The following ASTN2 variants were observed in gnomAD, a reference collection of about 807,000 sequenced individuals.
ASTN2 encodes the protein astrotactin 2, also known as astrotactin-2.
ASTN2 carries 54 observed loss-of-function variants against 139.8 expected under a neutral mutation model. That is an observed-to-expected ratio of 0.39 (90% CI 0.31 to 0.48). The LOEUF (loss-of-function observed/expected upper bound fraction) is 0.48, where lower values mean the gene tolerates loss of function less well. Among genes scored for constraint, ASTN2 ranks in the 20% least tolerant of loss-of-function variants. ASTN2 has a pLI of 0.95. For missense variants in ASTN2, 1,565 were observed against 1,725.1 expected, an observed-to-expected ratio of 0.91 and a Z score of 1.64; for synonymous variants, 756 against 719.5, an observed-to-expected ratio of 1.05 and a Z score of -0.81.
chr9:117,148,033 T>A (rs1212360381), intron 3 of ASTN2, among the ~76,000 whole-genome samples: 1 of 152,136 alleles, frequency 6.6e-6, no homozygotes, highest in Non-Finnish European at 1.5e-5. Context: ...TTGACTTGAT[T>A]GGAGATTAGC....
chr9:117,363,648 A>G (rs1022342985), intron 1 of ASTN2, among the ~76,000 whole-genome samples: 4 of 152,182 alleles, frequency 2.6e-5, no homozygotes, highest in Non-Finnish European at 5.9e-5. Flanking sequence ...AAGGTGGCAT[A>G]TTTAATAGGC....
intron 5 of ASTN2, among the ~76,000 whole-genome samples, chr9:117,070,081 G>A (rs2132706183): frequency 6.7e-6 from 1 of 148,242 alleles, no homozygotes; most frequent in East Asian, 2.0e-4. Flanking sequence ...TTGCTCGTTA[G>A]TTGATGCAGT....
chr9:117,358,261 GACACACACACACACACACAC>G (rs67475291), intron 1 of ASTN2, among the ~76,000 whole-genome samples: 2 of 146,786 alleles, frequency 1.4e-5, no homozygotes, highest in African/African-American at 5.1e-5. Context: ...TACATGTGCA[GACACACACACACACACACAC>G]ACACACACAC....
intron 3 of ASTN2, among the ~76,000 whole-genome samples, chr9:117,195,696 A>G (rs1831482249): frequency 6.6e-6 from 1 of 152,150 alleles, no homozygotes; most frequent in African/African-American, 2.4e-5. Flanking sequence ...AAGAGCTCTG[A>G]AAATTCATGA....
At chr9:116,535,460 T>C (rs1224971951) in intron 19 of ASTN2, among the ~76,000 whole-genome samples, 2 of 152,326 alleles carry the variant, frequency 1.3e-5, no homozygotes, top group Admixed American at 6.5e-5. Context: ...CTAGCATCGA[T>C]GGTCTTTGCA....
rs968081929 is a variant in ASTN2 at position 117,127,655 on chromosome 9, G to T, written c.1168+13671C>A. 1.2e-3 allele frequency among the ~76,000 whole-genome samples: 138 copies of T among 117,588 alleles called. 4 individuals are homozygous for T. In the East Asian group the frequency reaches 0.028, roughly 24 times the overall value. The allele number at this position is 117,588 out of a possible 152,430, so 77.1% of individuals were successfully genotyped here. A position where few individuals can be genotyped will look rare whatever the true frequency, so the allele number is the denominator to read the frequency against. On this transcript the variant is annotated intron_variant, in intron 4 of 22. Coordinates refer to ENST00000313400, the MANE Select transcript of ASTN2 (RefSeq NM_001365068.1). ...TCTCCCTGTGATTTCAGAAGTTAGG[G>T]TTTTTTTTTTGTTTTGGTTTTTTTT...
intron 17 of ASTN2, among the ~76,000 whole-genome samples, chr9:116,649,989 A>G (rs544839352): frequency 6.6e-6 from 1 of 152,194 alleles, no homozygotes; most frequent in South Asian, 2.1e-4. Context: ...TCTACCTGAC[A>G]CTTTCCCTAC....
chr9:116,803,481 A>AAC (rs1830924635), intron 13 of ASTN2, among the ~76,000 whole-genome samples: 1 of 80,108 alleles, frequency 1.2e-5, no homozygotes, highest in African/African-American at 4.1e-5. Flanking sequence ...AAGTTCGAAT[A>AAC]ATATATATAT....
At chr9:117,131,110 G>A (rs1381952245) in intron 4 of ASTN2, among the ~76,000 whole-genome samples, 2 of 152,162 alleles carry the variant, frequency 1.3e-5, no homozygotes, top group African/African-American at 4.8e-5. Flanking sequence ...TTCACCAACA[G>A]TCAGTCCTAA....
At chr9:116,534,420 C>T (rs547186783) in intron 19 of ASTN2, among the ~76,000 whole-genome samples, 20 of 152,122 alleles carry the variant, frequency 1.3e-4, no homozygotes, top group Non-Finnish European at 2.5e-4. Context: ...AATGTGTTTG[C>T]TCTTGCTTCT....
intron 14 of ASTN2, among the ~76,000 whole-genome samples, chr9:116,731,083 A>G (rs979118260): frequency 2.0e-5 from 3 of 151,676 alleles, no homozygotes; most frequent in Non-Finnish European, 2.9e-5. Context: ...GGGTTACTCT[A>G]TCGCTGACTC....
intron 1 of ASTN2, among the ~76,000 whole-genome samples, chr9:117,320,786 TC>T (rs1476503955): frequency 1.3e-5 from 2 of 151,742 alleles, no homozygotes; most frequent in Non-Finnish European, 2.9e-5. Context: ...AACCCCAAAC[TC>T]CCCGTAACTG....
At chr9:117,146,697 A>G (rs1042163752) in intron 3 of ASTN2, among the ~76,000 whole-genome samples, 8 of 152,270 alleles carry the variant, frequency 5.3e-5, no homozygotes, top group Non-Finnish European at 1.2e-4. Flanking sequence ...AACTGGGTTC[A>G]GTGTATACCG....
chr9:116,834,347 C>T (rs1382528968), intron 11 of ASTN2, among the ~76,000 whole-genome samples: 2 of 152,110 alleles, frequency 1.3e-5, no homozygotes, highest in South Asian at 4.1e-4. Flanking sequence ...TATATTGTTG[C>T]TAAACTCCTG....
At chr9:117,079,229 G>T (rs1828360162) in intron 5 of ASTN2, among the ~76,000 whole-genome samples, 1 of 152,134 alleles carries the variant, frequency 6.6e-6, no homozygotes, top group African/African-American at 2.4e-5. Flanking sequence ...GGTGGTGCGT[G>T]ACTGTGGTCC....
At chr9:117,295,477 G>A (rs1834707053) in intron 1 of ASTN2, among the ~76,000 whole-genome samples, 1 of 152,110 alleles carries the variant, frequency 6.6e-6, no homozygotes, top group Non-Finnish European at 1.5e-5. Flanking sequence ...ACTTTGGAAA[G>A]TGCTTGGCAC....
Position 116,719,747 on chromosome 9 carries a change from A to T in ASTN2, c.2806+6024T>A, listed in dbSNP as rs146826159. The stretch of plus-strand genomic sequence containing the variant: ...GTGAAACTTCACTTACTAATGTTGC[A>T]GAAGAGGATGAACCTGCAGAGGAGA... On this transcript the variant is annotated intron_variant, in intron 16 of 22. Coordinates refer to ENST00000313400, the MANE Select transcript of ASTN2 (RefSeq NM_001365068.1). Among the ~76,000 whole-genome samples the T allele has an allele frequency of 4.6e-5, 7 of 152,232 alleles. No individual in the cohort carries two copies. In the East Asian group the frequency reaches 1.4e-3, roughly 29 times the overall value.
chr9:116,535,875 TG>T (rs1333850240), intron 19 of ASTN2, among the ~76,000 whole-genome samples: 2 of 152,212 alleles, frequency 1.3e-5, no homozygotes, highest in African/African-American at 4.8e-5. Flanking sequence ...TGGCTTTCTC[TG>T]TATTTCCTGA....
chr9:116,683,430 T>G (rs1029574656), intron 16 of ASTN2, among the ~76,000 whole-genome samples: 1 of 152,222 alleles, frequency 6.6e-6, no homozygotes, highest in Non-Finnish European at 1.5e-5. Context: ...CCTAGTCAAT[T>G]GCAGCTTTAA....
Sources: gnomAD v4.1 joint callset for allele counts (sites outside exome capture counted in the v4.1 genomes callset) on GRCh38, gnomAD v4.1.1 for gene constraint, MANE v1.5 for transcripts, NCBI Gene and HGNC (gene_info 2026-07-23, HGNC 2026-07-21) for gene names.